Variants in FGGY observed in about 807,000 individuals in gnomAD.
The protein encoded by FGGY is FGGY carbohydrate kinase domain containing, also known as FGGY carbohydrate kinase domain-containing protein.
FGGY carries 72 observed loss-of-function variants against 71.3 expected under a neutral mutation model. The ratio of observed to expected loss-of-function variants is 1.01; its 90% CI spans 0.84 to 1.23. The LOEUF is 1.23. Among genes scored for constraint, FGGY ranks in the 50% most tolerant of loss-of-function variants. The probability of loss-of-function intolerance (pLI) is 0.00; values close to 1 mark genes in which losing one functional copy is unlikely to be tolerated. For missense variants in FGGY, 668 were observed against 682.3 expected, an observed-to-expected ratio of 0.98 and a Z score of 0.23; for synonymous variants, 251 against 250.3, an observed-to-expected ratio of 1.00 and a Z score of -0.02.
intron 6 of FGGY, among the ~76,000 whole-genome samples, chr1:59,476,529 A>G (rs775797861): frequency 6.6e-6 from 1 of 152,214 alleles, no homozygotes; most frequent in Non-Finnish European, 1.5e-5. Context: ...GACTAAGTTC[A>G]ACAAGAGTCC....
At position 59,577,098 on chromosome 1, in the gene FGGY, A is replaced by G. The variant is rs564068200; in HGVS notation, c.903+22871A>G. On this transcript the variant is annotated intron_variant, in intron 8 of 15. Transcript: ENST00000303721. ...CACTACTTTCCATTTTCTTTATTCAATGAGTTGAGCTCATTTTGCCGCCAT... is the reference window on the plus strand; with the variant it reads ...CACTACTTTCCATTTTCTTTATTCAGTGAGTTGAGCTCATTTTGCCGCCAT... 1.8e-3 allele frequency among the ~76,000 whole-genome samples: 270 copies of G among 152,228 alleles called. 1 individual carries two copies. The highest frequency in any genetic ancestry group is 2.9e-3 in the Non-Finnish European group (195 of 67,994).
At chr1:59,755,219 T>C (rs1044264535) in intron 14 of FGGY, 3 of 150,888 alleles carry the variant, frequency 2.0e-5, no homozygotes, top group Non-Finnish European at 4.4e-5. Context: ...TGGTATCTTA[T>C]ATCTGTCATC....
intron 14 of FGGY, among the ~76,000 whole-genome samples, chr1:59,753,908 A>G (rs2098268637): frequency 6.6e-6 from 1 of 152,178 alleles, no homozygotes; most frequent in South Asian, 2.1e-4. Context: ...AGTCACTTAG[A>G]TAATATAACC....
Position 59,555,483 on chromosome 1 carries a change from C to T in FGGY, c.903+1256C>T, listed in dbSNP as rs571984948. Among the ~76,000 whole-genome samples the T allele has an allele frequency of 2.0e-5, 3 of 152,298 alleles. No homozygotes were observed. The East Asian group carries it at 5.8e-4, about 29-fold the overall frequency. ...GCTGCAAGAATTAAATGAGGTGATA[C>T]TAAGTGCTCCACATGCAGTAAGCAC... On this transcript the variant is annotated intron_variant, in intron 8 of 15. Coordinates refer to ENST00000303721, the MANE Select transcript of FGGY (RefSeq NM_018291.5).
At chr1:59,694,274 G>A (rs1429445682) in intron 14 of FGGY, among the ~76,000 whole-genome samples, 1 of 150,658 alleles carries the variant, frequency 6.6e-6, no homozygotes. Flanking sequence ...GGGCGACAAA[G>A]CAAGACTCCG....
chr1:59,590,965 A>T (rs1456803136), intron 8 of FGGY, among the ~76,000 whole-genome samples: 6 of 152,350 alleles, frequency 3.9e-5, no homozygotes, highest in East Asian at 1.9e-4. Flanking sequence ...AAGGAAAGAA[A>T]GGGTATTCAA....
rs144261618 is a variant in FGGY at position 59,481,436 on chromosome 1, C to T, written c.670+24360C>T. ...CCCAGTGGTCCTTTGTGGCCCTGTG[C>T]GAGTGCTTTCTCTCTTCCTGAATGC... On this transcript the variant is annotated intron_variant, in intron 6 of 15. Coordinates refer to ENST00000303721, the MANE Select transcript of FGGY (RefSeq NM_018291.5). Among the ~76,000 whole-genome samples, 141 of 152,216 alleles carry T rather than the reference C, an allele frequency of 9.3e-4. 4 individuals carry two copies. The East Asian group carries it at 0.02, about 22-fold the overall frequency.
chr1:59,674,064 G>A lies in FGGY; in HGVS notation c.1443G>A (p.Glu481=). The A allele has an allele frequency of 1.2e-6, 2 of 1,613,970 alleles. No individual in the cohort carries two copies. Among genetic ancestry groups the A allele is most frequent in the Non-Finnish European group, 1.7e-6 (2 of 1,179,940 alleles). The change falls in exon 14 of 16, where the codon GAG becomes GAA. Residue 481 remains glutamate (E), a synonymous_variant. Transcript: ENST00000303721. ...GCATGCCTGTGGTCCTGTCGCAAGA[G>A]GTGGAGTCCGTTCTTGTGGGTGCTG... ...ITGMPVVLSQ[E]VESVLVGAAV... is the part of the protein sequence containing the mutation.
At chr1:59,434,042 C>A (rs1382660118) in intron 5 of FGGY, among the ~76,000 whole-genome samples, 1 of 152,192 alleles carries the variant, frequency 6.6e-6, no homozygotes, top group Non-Finnish European at 1.5e-5. Flanking sequence ...AACAGAGTAA[C>A]CTACCTGTCC....
chr1:59,630,594 T>C lies in FGGY; in HGVS notation c.1073+4545T>C, dbSNP rs532297770. 4.2e-4 allele frequency among the ~76,000 whole-genome samples: 64 copies of C among 152,368 alleles called. 1 individual carries two copies. The South Asian group carries it at 0.012, about 29-fold the overall frequency. ...TCACAGGAATGTCTGTATATGAACA[T>C]TTTAGTGTGTAACACAAACTTACTG... On this transcript the variant is annotated intron_variant, in intron 10 of 15. Transcript: ENST00000303721.
intron 6 of FGGY, among the ~76,000 whole-genome samples, chr1:59,482,624 G>C (rs1447347871): frequency 8.7e-5 from 9 of 103,020 alleles, no homozygotes; most frequent in African/African-American, 3.5e-4. Context: ...GTGTGTGTGT[G>C]TGTCTGTGTG....
chr1:59,641,705 C>A (rs1326973388), intron 11 of FGGY, among the ~76,000 whole-genome samples: 1 of 152,152 alleles, frequency 6.6e-6, no homozygotes, highest in African/African-American at 2.4e-5. Flanking sequence ...TGAATTCATG[C>A]AGGCCTTAGG....
At chr1:59,342,043 TG>T (rs906269023) in intron 3 of FGGY, among the ~76,000 whole-genome samples, 2 of 152,174 alleles carry the variant, frequency 1.3e-5, no homozygotes, top group Non-Finnish European at 2.9e-5. Flanking sequence ...AGCCTGATTT[TG>T]GGTGGAACTT....
At chr1:59,607,944 G>C (rs1316027058) in intron 9 of FGGY, 34 bp downstream of exon 9, 1 of 1,538,616 alleles carries the variant, frequency 6.5e-7, no homozygotes, top group Non-Finnish European at 9.0e-7. Context: ...GGTCATGGAT[G>C]TTTTTATGTC....
chr1:59,602,897 T>C (rs2096591080), intron 8 of FGGY, among the ~76,000 whole-genome samples: 1 of 152,216 alleles, frequency 6.6e-6, no homozygotes, highest in Non-Finnish European at 1.5e-5. Context: ...CTCCCTGAGG[T>C]AAGCGACCAT....
Position 59,499,224 on chromosome 1 carries a change from T to A in FGGY, c.671-13087T>A, listed in dbSNP as rs75273529. On this transcript the variant is annotated intron_variant, in intron 6 of 15. Coordinates refer to ENST00000303721, the MANE Select transcript of FGGY (RefSeq NM_018291.5). Reference sequence around the variant, plus strand: ...ATATATAGTAGTTCCCCCTTGTCCATGGAAAATACCTTCCAAGACCCCCAG... The same window carrying A: ...ATATATAGTAGTTCCCCCTTGTCCAAGGAAAATACCTTCCAAGACCCCCAG... Among the ~76,000 whole-genome samples, 45 of 151,510 alleles carry A rather than the reference T, an allele frequency of 3.0e-4. 1 individual carries two copies. In the East Asian group the frequency reaches 6.2e-3, roughly 21 times the overall value.
chr1:59,754,505 C>T (rs1330983607), intron 14 of FGGY, among the ~76,000 whole-genome samples: 1 of 152,152 alleles, frequency 6.6e-6, no homozygotes, highest in Non-Finnish European at 1.5e-5. Context: ...TTCACTGCAA[C>T]CTCTGCCTCC....
At chr1:59,710,711 C>T (rs544541979) in intron 14 of FGGY, among the ~76,000 whole-genome samples, 20 of 152,262 alleles carry the variant, frequency 1.3e-4, no homozygotes, top group African/African-American at 4.6e-4. Flanking sequence ...CATCACTGCT[C>T]ATTAGAGAAA....
chr1:59,321,038 T>C (rs956219780), intron 1 of FGGY, among the ~76,000 whole-genome samples: 9 of 152,204 alleles, frequency 5.9e-5, no homozygotes, highest in African/African-American at 2.2e-4. Context: ...TCTAGAGTCA[T>C]AGTGAGGAGT....
Sources: allele counts gnomAD v4.1 joint callset (sites outside exome capture counted in the v4.1 genomes callset), GRCh38; gene constraint gnomAD v4.1.1; transcripts MANE v1.5; gene names NCBI Gene and HGNC (gene_info 2026-07-23, HGNC 2026-07-21).